Variants in COL24A1 observed in about 807,000 individuals in gnomAD.
The protein encoded by COL24A1 is collagen type XXIV alpha 1 chain.
In COL24A1, 224 loss-of-function variants were observed where a neutral mutation model predicts 253.9. The observed-to-expected ratio is 0.88, with a 90% CI of 0.79 to 0.99. COL24A1 has a LOEUF of 0.99. COL24A1 is among the 50% of genes least tolerant of loss of function. The probability of loss-of-function intolerance (pLI) is 0.00; values close to 1 mark genes in which losing one functional copy is unlikely to be tolerated. For synonymous variants in COL24A1, 685 were observed against 673.7 expected, an observed-to-expected ratio of 1.02 and a Z score of -0.26; for missense variants, 2,131 against 2,068.5, an observed-to-expected ratio of 1.03 and a Z score of -0.59.
chr1:85,825,533 C>A (rs945015237), intron 43 of COL24A1, among the ~76,000 whole-genome samples: 3 of 152,018 alleles, frequency 2.0e-5, no homozygotes, highest in African/African-American at 7.3e-5. Flanking sequence ...AGTTTACAGT[C>A]CCACCAACAG....
intron 59 of COL24A1, among the ~76,000 whole-genome samples, chr1:85,731,190 G>A (rs1357714752): frequency 6.6e-6 from 1 of 151,578 alleles, no homozygotes; most frequent in Admixed American, 6.6e-5. Flanking sequence ...CTTCCCCCCC[G>A]CCCCATTCTG....
At chr1:85,866,303 GTAAA>G (rs933408412) in intron 37 of COL24A1, among the ~76,000 whole-genome samples, 32 of 152,210 alleles carry the variant, frequency 2.1e-4, no homozygotes, top group African/African-American at 6.7e-4. Context: ...TTATTCTTTA[GTAAA>G]TAAATAAAGC....
intron 47 of COL24A1, among the ~76,000 whole-genome samples, chr1:85,800,858 C>A (rs1284998696): frequency 6.6e-6 from 1 of 152,154 alleles, no homozygotes; most frequent in African/African-American, 2.4e-5. Context: ...AAGTTTGGAA[C>A]TTCTGGCTAC....
At chr1:85,884,819 C>T (rs1001165231) in intron 32 of COL24A1, among the ~76,000 whole-genome samples, 4 of 152,144 alleles carry the variant, frequency 2.6e-5, no homozygotes, top group African/African-American at 9.7e-5. Context: ...ATCCCTCTCC[C>T]TCTGCTGGAA....
chr1:86,043,728 A>AT (rs1044733268), intron 12 of COL24A1, among the ~76,000 whole-genome samples: 2 of 152,080 alleles, frequency 1.3e-5, no homozygotes, highest in African/African-American at 2.4e-5. Flanking sequence ...GGGTTTCACC[A>AT]TGTTGGCCAA....
chr1:85,817,871 G>A lies in COL24A1; in HGVS notation c.3843+163C>T, dbSNP rs1673203875. ...CAGCAAGTTTGGTTTTGAGTTAATG[G>A]TCATATTTTGTTCCCTCTGTGTTCC... On this transcript the variant is annotated intron_variant, in intron 46 of 59. Coordinates refer to ENST00000370571, the MANE Select transcript of COL24A1 (RefSeq NM_152890.7). 1.3e-5 allele frequency among the ~76,000 whole-genome samples: 2 copies of A among 152,032 alleles called. 1 individual carries two copies. Among genetic ancestry groups the A allele is most frequent in the African/African-American group, 4.8e-5 (2 of 41,388 alleles).
chr1:85,924,906 T>G (rs972073380), intron 24 of COL24A1, among the ~76,000 whole-genome samples: 3 of 152,204 alleles, frequency 2.0e-5, no homozygotes, highest in Non-Finnish European at 4.4e-5. Context: ...AGGACATGAT[T>G]GTATACTTAG....
chr1:86,071,662 T>G (rs1231518653), intron 7 of COL24A1, among the ~76,000 whole-genome samples: 2 of 152,136 alleles, frequency 1.3e-5, no homozygotes, highest in East Asian at 3.8e-4. Flanking sequence ...GTCATTATAT[T>G]ATAACAAAGG....
intron 20 of COL24A1, among the ~76,000 whole-genome samples, chr1:85,985,908 A>G (rs1456694689): frequency 6.6e-6 from 1 of 151,778 alleles, no homozygotes; most frequent in East Asian, 1.9e-4. Context: ...GCTCAATTAA[A>G]TGTGAAATTC....
chr1:86,122,819 C>A (rs148222667), intron 3 of COL24A1, among the ~76,000 whole-genome samples: 1 of 151,976 alleles, frequency 6.6e-6, no homozygotes, highest in Non-Finnish European at 1.5e-5. Context: ...ACAGAAACTT[C>A]GTATCCTGGA....
intron 12 of COL24A1, among the ~76,000 whole-genome samples, chr1:86,040,418 A>G (rs1306973387): frequency 2.7e-5 from 4 of 147,424 alleles, no homozygotes; most frequent in Admixed American, 2.7e-4. Flanking sequence ...GCACCCACTA[A>G]CTCGTCATCT....
chr1:86,087,024 C>T (rs1482021950), intron 7 of COL24A1, among the ~76,000 whole-genome samples: 2 of 152,168 alleles, frequency 1.3e-5, no homozygotes, highest in Non-Finnish European at 2.9e-5. Flanking sequence ...CTTCCTTTAT[C>T]AGAAAGTAAG....
At chr1:86,091,981 T>C (rs1045220848) in intron 6 of COL24A1, among the ~76,000 whole-genome samples, 5 of 152,078 alleles carry the variant, frequency 3.3e-5, no homozygotes, top group African/African-American at 7.2e-5. Context: ...TAGGACCACA[T>C]CCTGTTGTAA....
chr1:85,757,673 T>G (rs1160477980), intron 55 of COL24A1, among the ~76,000 whole-genome samples: 1 of 152,162 alleles, frequency 6.6e-6, no homozygotes, highest in African/African-American at 2.4e-5. Flanking sequence ...CCCCAAGGTA[T>G]TCACAAAGCC....
chr1:85,945,367 A>G (rs1689237601), intron 24 of COL24A1, among the ~76,000 whole-genome samples: 1 of 151,572 alleles, frequency 6.6e-6, no homozygotes, highest in Non-Finnish European at 1.5e-5. Flanking sequence ...TGTACTGAAA[A>G]TCCTGAAGCT....
intron 32 of COL24A1, among the ~76,000 whole-genome samples, chr1:85,882,442 C>A (rs937739315): frequency 2.0e-5 from 3 of 151,876 alleles, no homozygotes; most frequent in Admixed American, 6.6e-5. Flanking sequence ...CCAGCCTGGG[C>A]GACAGAGCAA....
intron 12 of COL24A1, among the ~76,000 whole-genome samples, chr1:86,042,363 C>T (rs528838615): frequency 6.6e-6 from 1 of 151,938 alleles, no homozygotes; most frequent in South Asian, 2.1e-4. Flanking sequence ...AAACTAATGG[C>T]CCTTATTGAA....
At chr1:86,078,324 T>A (rs968256367) in intron 7 of COL24A1, among the ~76,000 whole-genome samples, 2 of 152,168 alleles carry the variant, frequency 1.3e-5, no homozygotes, top group Non-Finnish European at 2.9e-5. Context: ...AAAAGCCATA[T>A]ATGATAGACC....
intron 20 of COL24A1, among the ~76,000 whole-genome samples, chr1:85,978,570 A>G (rs1314466207): frequency 1.3e-5 from 2 of 151,950 alleles, no homozygotes; most frequent in African/African-American, 4.8e-5. Context: ...CAGGACCTCA[A>G]TAACAGTTAA....
Sources: allele counts gnomAD v4.1 joint callset (sites outside exome capture counted in the v4.1 genomes callset), GRCh38; gene constraint gnomAD v4.1.1; transcripts MANE v1.5; gene names NCBI Gene and HGNC (gene_info 2026-07-23, HGNC 2026-07-21).